RTF1: variants seen among roughly 807,000 people sequenced by gnomAD.
RTF1 encodes RNA polymerase-associated protein RTF1 homolog.
A neutral mutation model predicts 95.7 loss-of-function variants in RTF1; 10 were observed. That is an observed-to-expected ratio of 0.10 (90% CI 0.06 to 0.18). RTF1 has a LOEUF of 0.18. Ranked by LOEUF, RTF1 falls within the 10% of genes least tolerant of loss-of-function variation. The probability of loss-of-function intolerance (pLI) is 1.00; values close to 1 mark genes in which losing one functional copy is unlikely to be tolerated. For synonymous variants in RTF1, 305 were observed against 311.8 expected, an observed-to-expected ratio of 0.98 and a Z score of 0.23; for missense variants, 458 against 875.6, an observed-to-expected ratio of 0.52 and a Z score of 6.02.
intron 2 of RTF1, among the ~76,000 whole-genome samples, chr15:41,443,241 C>G (rs565921145): frequency 1.3e-5 from 2 of 152,088 alleles, no homozygotes; most frequent in Admixed American, 1.3e-4. Flanking sequence ...ACTGGACATT[C>G]AGTATAATGT....
At chr15:41,470,458 C>T (rs1032023641) in intron 7 of RTF1, 66 bp downstream of exon 7, 42 of 1,554,506 alleles carry the variant, frequency 2.7e-5, no homozygotes, top group Non-Finnish European at 3.2e-5. Flanking sequence ...AGCTTGGTAT[C>T]GTTTCCAAAA....
intron 1 of RTF1, among the ~76,000 whole-genome samples, chr15:41,436,458 A>G (rs2050703404): frequency 1.4e-5 from 2 of 145,058 alleles, no homozygotes; most frequent in South Asian, 4.3e-4. Flanking sequence ...CTCCGTCTCA[A>G]AAAAAAAAAA....
At chr15:41,464,061 A>G (rs2050867190) in intron 4 of RTF1, among the ~76,000 whole-genome samples, 1 of 151,076 alleles carries the variant, frequency 6.6e-6, no homozygotes, top group African/African-American at 2.4e-5. Flanking sequence ...CATTTTGGCC[A>G]GGATGGTCTC....
chr15:41,465,634 C>G (rs1046218383), intron 5 of RTF1, among the ~76,000 whole-genome samples: 2 of 151,634 alleles, frequency 1.3e-5, no homozygotes, highest in Non-Finnish European at 2.9e-5. Context: ...GAGCGAGGCT[C>G]TGTTTTAAAA....
chr15:41,421,006 C>T (rs937002439), intron 1 of RTF1, among the ~76,000 whole-genome samples: 1 of 152,184 alleles, frequency 6.6e-6, no homozygotes, highest in Non-Finnish European at 1.5e-5. Flanking sequence ...CCTGTGTCTG[C>T]CATAGTACTT....
intron 12 of RTF1, among the ~76,000 whole-genome samples, chr15:41,476,783 T>C (rs2050943709): frequency 6.6e-6 from 1 of 152,242 alleles, no homozygotes; most frequent in Admixed American, 6.5e-5. Flanking sequence ...AAATAGACCC[T>C]GGGGTGGTAT....
At chr15:41,433,415 A>G (rs1376039386) in intron 1 of RTF1, among the ~76,000 whole-genome samples, 3 of 150,392 alleles carry the variant, frequency 2.0e-5, no homozygotes, top group African/African-American at 7.3e-5. Context: ...GCTCACCGCA[A>G]CCCCCACCTC....
intron 6 of RTF1, among the ~76,000 whole-genome samples, chr15:41,467,625 G>A (rs1048269096): frequency 4.6e-5 from 7 of 151,990 alleles, no homozygotes; most frequent in African/African-American, 1.4e-4. Flanking sequence ...TGAGGCAGGA[G>A]AATCCCTTGA....
At chr15:41,460,033 T>C (rs758482368) in intron 4 of RTF1, among the ~76,000 whole-genome samples, 1 of 152,240 alleles carries the variant, frequency 6.6e-6, no homozygotes, top group South Asian at 2.1e-4. Flanking sequence ...CTGGAGACCA[T>C]ATTAAGTATG....
intron 4 of RTF1, 54 bp from the exon 5 acceptor site, chr15:41,464,717 T>C: frequency 7.0e-7 from 1 of 1,423,258 alleles, no homozygotes; most frequent in Non-Finnish European, 9.6e-7. Context: ...CTAATAGAAA[T>C]CAGTTTTTAT....
At chr15:41,448,269 A>G (rs1354497025) in intron 2 of RTF1, among the ~76,000 whole-genome samples, 1 of 152,170 alleles carries the variant, frequency 6.6e-6, no homozygotes, top group Non-Finnish European at 1.5e-5. Context: ...TCTTTCCCTG[A>G]ATTAAATAAG....
chr15:41,433,412 G>A lies in RTF1; in HGVS notation c.199-4909G>A, dbSNP rs571493825. Among the ~76,000 whole-genome samples the A allele has an allele frequency of 3.2e-4, 49 of 152,078 alleles. No individual in the cohort carries two copies. The East Asian group carries it at 8.5e-3, about 26-fold the overall frequency. On this transcript the variant is annotated intron_variant, in intron 1 of 17. Transcript: ENST00000389629. ...TGCACTGGCATGATCTTTGCTCACC[G>A]CAACCCCCACCTCCCAGACTCAAGT...
In RTF1 at chr15:41,417,309, A is replaced by G; in HGVS notation, c.194A>G (p.Asp65Gly). 2 of 1,247,644 alleles carry G rather than the reference A, an allele frequency of 1.6e-6. No individual in the cohort carries two copies. Among genetic ancestry groups the G allele is most frequent in the Non-Finnish European group, 2.0e-6 (2 of 988,166 alleles). The allele number at this position is 1,247,644 out of a possible 1,614,324, so 77.3% of individuals were successfully genotyped here. The change falls in exon 1 of 18, where the codon GAT becomes GGT. Residue 65 changes from aspartate to glycine, a missense_variant. Transcript: ENST00000389629. Reference sequence around the variant, plus strand: ...GACAGCGGCAGCGACGAGAACCTGGATCAGGTGAGGGCAGGCCGCGGAGGC... The same window carrying G: ...GACAGCGGCAGCGACGAGAACCTGGGTCAGGTGAGGGCAGGCCGCGGAGGC... ...TEDSGSDENL[D>G]QELLSLAKRK...
intron 8 of RTF1, among the ~76,000 whole-genome samples, chr15:41,472,891 T>C (rs532954242): frequency 1.3e-4 from 20 of 151,440 alleles, no homozygotes; most frequent in Non-Finnish European, 2.7e-4. Flanking sequence ...TTAGTGGAGA[T>C]GGGGTTTCAC....
intron 1 of RTF1, among the ~76,000 whole-genome samples, chr15:41,432,275 G>A (rs1027100729): frequency 4.7e-5 from 7 of 150,022 alleles, no homozygotes; most frequent in African/African-American, 1.5e-4. Flanking sequence ...TCGGCCCACT[G>A]CAAGTTCCGC....
chr15:41,465,389 C>T lies in RTF1; in HGVS notation c.777+504C>T, dbSNP rs181634696. 5.5e-3 allele frequency among the ~76,000 whole-genome samples: 834 copies of T among 152,230 alleles called. 5 individuals are homozygous for T. The highest frequency in any genetic ancestry group is 9.0e-3 in the Non-Finnish European group (609 of 68,028). The stretch of plus-strand genomic sequence containing the variant: ...ACTGCAGTGACTCACATGTGTAATC[C>T]CAGCACTTTGAGAGGCCGAGGCAGA... On this transcript the variant is annotated intron_variant, in intron 5 of 17. Transcript: ENST00000389629.
At chr15:41,427,415 T>G (rs2050641316) in intron 1 of RTF1, among the ~76,000 whole-genome samples, 1 of 152,158 alleles carries the variant, frequency 6.6e-6, no homozygotes, top group Non-Finnish European at 1.5e-5. Context: ...CCTCCCAAAG[T>G]GCTGGGATTA....
Position 41,438,449 on chromosome 15 carries a change from C to T in RTF1, c.309+18C>T, listed in dbSNP as rs550522403. ...ACGATGAGGTGGGTGTGGAGGGCCT[C>T]GGCTTCTGGGACCATTAGATAGTTG... is the stretch of plus-strand genomic sequence containing the variant. On this transcript the variant is annotated intron_variant, in intron 2 of 17. Transcript: ENST00000389629. 1.7e-5 allele frequency: 26 copies of T among 1,516,746 alleles called. No individual in the cohort carries two copies. The highest frequency in any genetic ancestry group is 1.2e-4 in the East Asian group (5 of 40,616). 94.0% of individuals were successfully genotyped at this position (1,516,746 alleles called of 1,614,324 possible).
At chr15:41,436,456 C>CA (rs1029344817) in intron 1 of RTF1, among the ~76,000 whole-genome samples, 2,336 of 63,702 alleles carry the variant, frequency 0.037, 128 homozygotes, top group African/African-American at 0.12. Context: ...GACTCCGTCT[C>CA]AAAAAAAAAA....
Sources: gnomAD v4.1 joint callset for allele counts (sites outside exome capture counted in the v4.1 genomes callset) on GRCh38, gnomAD v4.1.1 for gene constraint, MANE v1.5 for transcripts, NCBI Gene and HGNC (gene_info 2026-07-23, HGNC 2026-07-21) for gene names.